The following ATP10B variants were observed in gnomAD, a reference collection of about 807,000 sequenced individuals.
The protein encoded by ATP10B is phospholipid-transporting ATPase VB.
A neutral mutation model predicts 141.2 loss-of-function variants in ATP10B; 122 were observed. That is an observed-to-expected ratio of 0.86 (90% CI 0.75 to 1.00). The LOEUF is 1.00. ATP10B is among the 50% of genes least tolerant of loss of function. ATP10B has a pLI of 0.00. For synonymous variants in ATP10B, 685 were observed against 692.0 expected (o/e 0.99, Z 0.16); for missense variants, 1,876 against 1,825.3 (o/e 1.03, Z -0.51).
At chr5:160,570,629 T>A (rs1754816667) in intron 24 of ATP10B, among the ~76,000 whole-genome samples, 1 of 152,204 alleles carries the variant, frequency 6.6e-6, no homozygotes, top group Non-Finnish European at 1.5e-5. Flanking sequence ...AATTCTGTCA[T>A]CTTTTAAAAT....
intron 2 of ATP10B, among the ~76,000 whole-genome samples, chr5:160,765,314 C>A (rs7735505): frequency 0.26 from 39,489 of 152,072 alleles, 6,181 homozygotes; most frequent in East Asian, 0.42. Context: ...CATTAATCAA[C>A]TTCAATCTAT....
chr5:160,670,393 A>G, intron 7 of ATP10B, 70 bp downstream of exon 7: 3 of 1,527,170 alleles, frequency 2.0e-6, no homozygotes, highest in Non-Finnish European at 2.7e-6. Flanking sequence ...GGTTTAGTTC[A>G]ATTTTCCAGT....
At chr5:160,659,204 G>A (rs572206636) in intron 7 of ATP10B, among the ~76,000 whole-genome samples, 56 of 152,232 alleles carry the variant, frequency 3.7e-4, no homozygotes, top group African/African-American at 1.1e-3. Context: ...AGTGGCTCAC[G>A]CCTGTAATCC....
intron 6 of ATP10B, among the ~76,000 whole-genome samples, chr5:160,679,290 T>C (rs1231186070): frequency 1.3e-5 from 2 of 152,248 alleles, no homozygotes; most frequent in Non-Finnish European, 2.9e-5. Context: ...AGAAGACAGA[T>C]GCTCCAAGTC....
chr5:160,605,447 G>C (rs574286055), intron 19 of ATP10B, among the ~76,000 whole-genome samples: 2 of 152,106 alleles, frequency 1.3e-5, no homozygotes, highest in African/African-American at 2.4e-5. Flanking sequence ...GCTATTTCTC[G>C]CCACACTGGT....
chr5:160,892,711 G>C, the ATP10B span, among the ~76,000 whole-genome samples: 2 of 152,120 alleles, frequency 1.3e-5, no homozygotes, highest in African/African-American at 4.8e-5. Flanking sequence ...AATTCCACAG[G>C]CAAGTAAAAA....
chr5:160,688,980 C>T, intron 3 of ATP10B, 37 bp from the exon 4 acceptor site: 1 of 980,254 alleles, frequency 1.0e-6, no homozygotes, highest in Non-Finnish European at 1.2e-6. Flanking sequence ...ATGGTCTGCC[C>T]AGGTGGCAAA....
chr5:160,826,303 G>A lies in ATP10B; in HGVS notation c.-576+25638C>T, dbSNP rs191061093. On this transcript the variant is annotated intron_variant, in intron 1 of 25. Coordinates refer to ENST00000327245, the MANE Select transcript of ATP10B (RefSeq NM_025153.3). ...TGTACAAGCATTCCCTTTTTGTTGC[G>A]GGAAGTCAGGGACCCCGAACAGAAG... Among the ~76,000 whole-genome samples, 41 of 152,094 alleles carry A rather than the reference G, an allele frequency of 2.7e-4. No individual in the cohort carries two copies. The East Asian group carries it at 5.6e-3, about 21-fold the overall frequency.
At chr5:160,841,871 C>T (rs1347629184) in intron 1 of ATP10B, among the ~76,000 whole-genome samples, 1 of 152,182 alleles carries the variant, frequency 6.6e-6, no homozygotes, top group Admixed American at 6.5e-5. Flanking sequence ...ATTACAGGTG[C>T]GTGCCACCAT....
intron 1 of ATP10B, among the ~76,000 whole-genome samples, chr5:160,851,575 T>A (rs1753817460): frequency 6.6e-6 from 1 of 152,174 alleles, no homozygotes; most frequent in Admixed American, 6.5e-5. Context: ...AAGCTATAGT[T>A]TCTTTCTGCT....
the ATP10B span, among the ~76,000 whole-genome samples, chr5:160,913,049 C>T: frequency 0.03 from 4,604 of 152,316 alleles, 98 homozygotes; most frequent in Non-Finnish European, 0.048. Context: ...AGATTGTTGA[C>T]AGCATTTCCA....
intron 1 of ATP10B, among the ~76,000 whole-genome samples, chr5:160,810,985 C>G (rs1029423044): frequency 9.2e-5 from 14 of 152,234 alleles, no homozygotes; most frequent in Admixed American, 2.0e-4. Context: ...AATCAAAAGT[C>G]CAGTAGGATA....
the ATP10B span, among the ~76,000 whole-genome samples, chr5:160,901,052 A>G: frequency 6.6e-6 from 1 of 151,906 alleles, no homozygotes. Flanking sequence ...ATCAAAACAC[A>G]TCTGAAGCAA....
chr5:160,565,752 G>T lies in ATP10B; in HGVS notation c.4087C>A (p.Arg1363=), dbSNP rs199886982. 2 of 1,614,060 alleles carry T rather than the reference G, an allele frequency of 1.2e-6. No homozygotes were observed. Among genetic ancestry groups the T allele is most frequent in the Non-Finnish European group, 1.7e-6 (2 of 1,179,980 alleles). The part of the protein sequence containing the change: ...QRPAPVPEVA[R]PTHHPVSSIT... ...GATGACACTGGGTGGTGAGTTGGTC[G>T]AGCCACTTCGGGGACAGGGGCAGGC... The change falls in exon 26 of 26, where the codon CGA becomes AGA. Residue 1363 remains arginine (R), a synonymous_variant. Coordinates refer to ENST00000327245, the MANE Select transcript of ATP10B (RefSeq NM_025153.3).
intron 3 of ATP10B, among the ~76,000 whole-genome samples, chr5:160,704,914 C>CATCTTTTTTTTTTT (rs1764895267): frequency 1.2e-5 from 1 of 83,640 alleles, no homozygotes; most frequent in Non-Finnish European, 2.0e-5. Context: ...TTTCTTTCAT[C>CATCTTTTTTTTTTT]TTTTTTTTTT....
At chr5:160,911,432 G>A in the ATP10B span, among the ~76,000 whole-genome samples, 1 of 152,188 alleles carries the variant, frequency 6.6e-6, no homozygotes, top group African/African-American at 2.4e-5. Context: ...GAATTACAAA[G>A]GAAGACAGAG....
intron 3 of ATP10B, among the ~76,000 whole-genome samples, chr5:160,695,034 C>T (rs7737886): frequency 0.25 from 37,870 of 152,002 alleles, 5,819 homozygotes; most frequent in East Asian, 0.69. Flanking sequence ...AGCAGAAACA[C>T]AAAACAAAAA....
intron 1 of ATP10B, among the ~76,000 whole-genome samples, chr5:160,833,288 T>C (rs893476429): frequency 6.6e-6 from 1 of 152,190 alleles, no homozygotes; most frequent in African/African-American, 2.4e-5. Flanking sequence ...CTTGAAACTA[T>C]CACTAATAAT....
At chr5:160,595,830 A>G (rs1200128256) in intron 22 of ATP10B, among the ~76,000 whole-genome samples, 1 of 150,826 alleles carries the variant, frequency 6.6e-6, no homozygotes, top group Non-Finnish European at 1.5e-5. Flanking sequence ...CACCCTCCCA[A>G]TACTAAACCA....
Sources: gnomAD v4.1 joint callset for allele counts (sites outside exome capture counted in the v4.1 genomes callset) on GRCh38, gnomAD v4.1.1 for gene constraint, MANE v1.5 for transcripts, NCBI Gene and HGNC (gene_info 2026-07-23, HGNC 2026-07-21) for gene names.